INPP5D: variants seen among roughly 807,000 people sequenced by gnomAD.
The protein encoded by INPP5D is phosphatidylinositol 3,4,5-trisphosphate 5-phosphatase 1.
A neutral mutation model predicts 122.9 loss-of-function variants in INPP5D; 33 were observed. The ratio of observed to expected loss-of-function variants is 0.27; its 90% CI spans 0.20 to 0.36. INPP5D has a LOEUF of 0.36. Among genes scored for constraint, INPP5D ranks in the 10% least tolerant of loss-of-function variants. INPP5D has a pLI of 1.00. For missense variants in INPP5D, 1,053 were observed against 1,412.7 expected (o/e 0.75, Z 4.08); for synonymous variants, 584 against 576.2 (o/e 1.01, Z -0.19).
chr2:233,185,796 G>T, intron 20 of INPP5D, 47 bp from the exon 21 acceptor site: 1 of 1,543,148 alleles, frequency 6.5e-7, no homozygotes, highest in South Asian at 1.3e-5. Flanking sequence ...TTTTCTGTCT[G>T]GTTCTTGCTC....
At chr2:233,198,425 C>A (rs1212822771) in intron 25 of INPP5D, 49 bp downstream of exon 25, 2 of 1,556,334 alleles carry the variant, frequency 1.3e-6, no homozygotes, top group Admixed American at 1.9e-5. Flanking sequence ...TATGAAAGCG[C>A]CCTGGGCTTT....
rs949382578 is a variant in INPP5D, at chr2:233,105,288, G to A, written c.199-16819G>A. ...AAGAACCTGGCTATGGTTGGAAACCGTCATTTCTATCTACACCTGTGCTTT... is the reference window on the plus strand; with the variant it reads ...AAGAACCTGGCTATGGTTGGAAACCATCATTTCTATCTACACCTGTGCTTT... On this transcript the variant is annotated intron_variant, in intron 2 of 26. Transcript: ENST00000445964. The surrounding 1 kb of genome is among the most constrained non-coding windows in gnomAD (Gnocchi z 4.0). Among the ~76,000 whole-genome samples, 3 of 152,080 alleles carry A rather than the reference G, an allele frequency of 2.0e-5. No homozygotes were observed. The highest frequency in any genetic ancestry group is 2.9e-5 in the Non-Finnish European group (2 of 68,010).
intron 9 of INPP5D, among the ~76,000 whole-genome samples, chr2:233,154,956 G>A (rs1023792625): frequency 6.6e-6 from 1 of 152,156 alleles, no homozygotes; most frequent in Admixed American, 6.5e-5. Flanking sequence ...CCGTTGTCAC[G>A]GAGGCCTGAA....
Position 233,197,941 on chromosome 2 carries a change from G to GATGA in INPP5D, c.2694-142_2694-139dup, listed in dbSNP as rs1695226426. Among the ~76,000 whole-genome samples the GATGA allele has an allele frequency of 6.6e-6, 1 of 152,150 alleles. No individual in the cohort carries two copies. The highest frequency in any genetic ancestry group is 1.5e-5 in the Non-Finnish European group (1 of 68,030). On this transcript the variant is annotated intron_variant, in intron 24 of 26. Transcript: ENST00000445964. This position sits in a 1 kb window ranked among gnomAD's most constrained non-coding sequence, Gnocchi z 4.4. ...CAGTAATCACGGTGTTGCATGGATA[G>GATGA]ATGAATGAATGAATGGATCACTGCC...
At chr2:233,103,702 CTTT>C (rs61589704) in intron 2 of INPP5D, among the ~76,000 whole-genome samples, 14 of 116,104 alleles carry the variant, frequency 1.2e-4, no homozygotes, top group African/African-American at 2.0e-4. Flanking sequence ...AAAAGTAGTT[CTTT>C]TTTTTTTTTT....
At chr2:233,194,200 C>T (rs1695124664) in intron 23 of INPP5D, among the ~76,000 whole-genome samples, 1 of 152,106 alleles carries the variant, frequency 6.6e-6, no homozygotes, top group Non-Finnish European at 1.5e-5. Context: ...TTTTTTAGGG[C>T]CCCGAACCTC....
chr2:233,141,768 T>C (rs1693636094), intron 6 of INPP5D, among the ~76,000 whole-genome samples: 2 of 152,028 alleles, frequency 1.3e-5, no homozygotes, highest in Non-Finnish European at 2.9e-5. Flanking sequence ...GGAAATCAGA[T>C]GGGAAGGATT....
At chr2:233,150,246 T>G (rs1046757193) in intron 9 of INPP5D, among the ~76,000 whole-genome samples, 1 of 151,966 alleles carries the variant, frequency 6.6e-6, no homozygotes, top group Non-Finnish European at 1.5e-5. Flanking sequence ...CTGGGATGAG[T>G]TTTTCCCATG....
chr2:233,191,405 G>C (rs1006921359), intron 22 of INPP5D, among the ~76,000 whole-genome samples: 1 of 152,240 alleles, frequency 6.6e-6, no homozygotes, highest in Non-Finnish European at 1.5e-5. Context: ...TTCAAGAAGA[G>C]ATTTGGGTGG....
At chr2:233,131,533 C>CA (rs1298962557) in intron 5 of INPP5D, among the ~76,000 whole-genome samples, 3 of 136,368 alleles carry the variant, frequency 2.2e-5, no homozygotes, top group Non-Finnish European at 4.8e-5. Context: ...CCTGTCTCTA[C>CA]TAAAAAAAAA....
intron 11 of INPP5D, among the ~76,000 whole-genome samples, chr2:233,163,459 T>C (rs1417597173): frequency 6.6e-6 from 1 of 152,184 alleles, no homozygotes; most frequent in African/African-American, 2.4e-5. Context: ...CAGGGAATCT[T>C]CTGGTGTTTC....
Position 233,185,108 on chromosome 2 carries a change from G to T in INPP5D, c.2275+587G>T, listed in dbSNP as rs578041248. ...ATTGTCTAAAGCTGTTTCATGGCTA[G>T]GGAAGAGCTGCGTGTGTCCAGCCGT... On this transcript the variant is annotated intron_variant, in intron 20 of 26. Coordinates refer to ENST00000445964, the MANE Select transcript of INPP5D (RefSeq NM_001017915.3). 9.9e-4 allele frequency among the ~76,000 whole-genome samples: 151 copies of T among 152,304 alleles called. 3 individuals carry two copies. The South Asian group carries it at 0.03, about 30-fold the overall frequency.
At chr2:233,083,696 C>T (rs1292624738) in intron 2 of INPP5D, among the ~76,000 whole-genome samples, 1 of 152,198 alleles carries the variant, frequency 6.6e-6, no homozygotes, top group Non-Finnish European at 1.5e-5. Flanking sequence ...GAAATGGCCC[C>T]TCTTTGGGAA....
At chr2:233,147,662 A>C in intron 9 of INPP5D, 68 bp downstream of exon 9, 1 of 688,958 alleles carries the variant, frequency 1.5e-6, no homozygotes, top group Non-Finnish European at 2.7e-6. Flanking sequence ...CTCTCAGCTC[A>C]CCTCTCAGAA....
rs1358929669 is a variant in INPP5D, at chr2:233,099,437, A to G, written c.198+20039A>G. Among the ~76,000 whole-genome samples, 3 of 152,264 alleles carry G rather than the reference A, an allele frequency of 2.0e-5. No individual in the cohort carries two copies. In the East Asian group the frequency reaches 5.8e-4, roughly 29 times the overall value. On this transcript the variant is annotated intron_variant, in intron 2 of 26. Transcript: ENST00000445964. ...ATCCTTATCTGAATTGCTGATGTGA[A>G]TGAAAGGAGGAACCAACAGCACAGA...
In INPP5D at chr2:233,159,015, C is replaced by T. The variant is rs142499253; in HGVS notation, c.1137+596C>T. On this transcript the variant is annotated intron_variant, in intron 10 of 26. Transcript: ENST00000445964. The stretch of plus-strand genomic sequence containing the variant: ...CAGGCTGGTCTCGAACTCCTGGGCT[C>T]AGGCAATCTTCCCGCCTCTGTCACC... Among the ~76,000 whole-genome samples, 138 of 152,226 alleles carry T rather than the reference C, an allele frequency of 9.1e-4. 5 individuals are homozygous for T. Among genetic ancestry groups the T allele is most frequent in the African/African-American group, 2.6e-3 (107 of 41,526 alleles).
chr2:233,117,961 C>T (rs1041094905), intron 2 of INPP5D, among the ~76,000 whole-genome samples: 3 of 152,184 alleles, frequency 2.0e-5, no homozygotes, highest in African/African-American at 7.2e-5. Context: ...ATCCATGGAA[C>T]CACTAAATGC....
At chr2:233,067,111 A>G (rs6717971) in intron 1 of INPP5D, among the ~76,000 whole-genome samples, 8,076 of 152,244 alleles carry the variant, frequency 0.053, 566 homozygotes, top group African/African-American at 0.16. Context: ...CTTTTAGTGC[A>G]TTCACAATGT....
Position 233,160,549 on chromosome 2 carries a change from A to G in INPP5D, c.1138-1175A>G, listed in dbSNP as rs948218913. On this transcript the variant is annotated intron_variant, in intron 10 of 26. Coordinates refer to ENST00000445964, the MANE Select transcript of INPP5D (RefSeq NM_001017915.3). This position sits in a 1 kb window ranked among gnomAD's most constrained non-coding sequence, Gnocchi z 4.2. ...ATGTTTAAAATAAAAACACTCGTATACCATGAGTTAATCTGGGACTATGCC... is the reference window on the plus strand; with the variant it reads ...ATGTTTAAAATAAAAACACTCGTATGCCATGAGTTAATCTGGGACTATGCC... Among the ~76,000 whole-genome samples the G allele has an allele frequency of 6.6e-6, 1 of 152,264 alleles. No homozygotes were observed. Among genetic ancestry groups the G allele is most frequent in the Admixed American group, 6.5e-5 (1 of 15,290 alleles).
Sources: allele counts gnomAD v4.1 joint callset (sites outside exome capture counted in the v4.1 genomes callset), GRCh38; gene constraint gnomAD v4.1.1; non-coding constraint Gnocchi (gnomAD v3.1); transcripts MANE v1.5; gene names NCBI Gene and HGNC (gene_info 2026-07-23, HGNC 2026-07-21).